The following PPHLN1 variants were observed in gnomAD, a reference collection of about 807,000 sequenced individuals.
PPHLN1 encodes the protein periphilin 1.
Under a neutral mutation model 51.3 loss-of-function variants are expected in PPHLN1, and 29 were observed. That is an observed-to-expected ratio of 0.57 (90% CI 0.42 to 0.77). The LOEUF (loss-of-function observed/expected upper bound fraction) is 0.77, where lower values mean the gene tolerates loss of function less well. Ranked by LOEUF, PPHLN1 falls within the 30% of genes least tolerant of loss-of-function variation. The pLI, the probability that PPHLN1 is intolerant of heterozygous loss-of-function variation, is 0.00. For synonymous variants in PPHLN1, 147 were observed against 147.8 expected (o/e 0.99, Z 0.04); for missense variants, 436 against 438.4 (o/e 0.99, Z 0.05).
downstream of PPHLN1, chr12:42,446,590 A>G (rs925862298): frequency 6.2e-7 from 1 of 1,613,370 alleles, no homozygotes; most frequent in Non-Finnish European, 8.5e-7. Context: ...TACTAATTCT[A>G]GGATGTAAAG....
At chr12:42,427,361 T>C (rs2081591534) in intron 9 of PPHLN1, among the ~76,000 whole-genome samples, 1 of 152,190 alleles carries the variant, frequency 6.6e-6, no homozygotes, top group Non-Finnish European at 1.5e-5. Context: ...TTACCTGATT[T>C]CAAACTATAC....
chr12:42,349,471 G>T lies in PPHLN1; in HGVS notation c.73-2414G>T, dbSNP rs530344721. Among the ~76,000 whole-genome samples the T allele has an allele frequency of 6.6e-5, 10 of 152,032 alleles. 1 individual carries two copies. In the South Asian group the frequency reaches 2.1e-3, roughly 32 times the overall value. On this transcript the variant is annotated intron_variant, in intron 2 of 9. Coordinates refer to ENST00000358314, the MANE Select transcript of PPHLN1 (RefSeq NM_201439.2). ...TTCTCGGAGAGGGGGATTTGGCAGGGTCATAGGACAATAGTGGAGAGAAGG... is the reference window on the plus strand; with the variant it reads ...TTCTCGGAGAGGGGGATTTGGCAGGTTCATAGGACAATAGTGGAGAGAAGG...
intron 9 of PPHLN1, among the ~76,000 whole-genome samples, chr12:42,404,052 T>C (rs2139395134): frequency 6.6e-6 from 1 of 152,270 alleles, no homozygotes; most frequent in East Asian, 1.9e-4. Flanking sequence ...TTTCTTTTTT[T>C]TGAAACGAGG....
At chr12:42,355,370 A>G (rs1467170068) in intron 4 of PPHLN1, 148 bp downstream of exon 4, 5 of 641,084 alleles carry the variant, frequency 7.8e-6, no homozygotes, top group Non-Finnish European at 1.4e-5. Flanking sequence ...TCTTTTTGTG[A>G]CTATGTAGTA....
chr12:42,400,528 C>T (rs2078719411), intron 9 of PPHLN1: 2 of 151,626 alleles, frequency 1.3e-5, no homozygotes, highest in Non-Finnish European at 2.9e-5. Context: ...CATAAACCTG[C>T]AAGTGACCTT....
chr12:42,445,818 A>G, downstream of PPHLN1: 2 of 843,130 alleles, frequency 2.4e-6, no homozygotes, highest in Non-Finnish European at 3.5e-6. Context: ...AATTTAGATG[A>G]TAAATTTCAG....
chr12:42,393,921 T>C (rs953976465), intron 8 of PPHLN1, among the ~76,000 whole-genome samples: 6 of 152,266 alleles, frequency 3.9e-5, no homozygotes, highest in Middle Eastern at 3.4e-3. Flanking sequence ...AGTATAAATA[T>C]GGAGTATAAG....
intron 2 of PPHLN1, among the ~76,000 whole-genome samples, chr12:42,337,428 T>A (rs2070831603): frequency 6.6e-6 from 1 of 151,644 alleles, no homozygotes; most frequent in Non-Finnish European, 1.5e-5. Flanking sequence ...CCTGAGTAGC[T>A]GGGATTACAG....
At chr12:42,350,996 C>CGGGAGA (rs1224855603) in intron 2 of PPHLN1, among the ~76,000 whole-genome samples, 3 of 145,340 alleles carry the variant, frequency 2.1e-5, no homozygotes, top group East Asian at 4.0e-4. Flanking sequence ...CCATGGCAAG[C>CGGGAGA]GGGAGAGGGA....
intron 3 of PPHLN1, among the ~76,000 whole-genome samples, chr12:42,352,953 G>A (rs1217398923): frequency 6.6e-6 from 1 of 152,034 alleles, no homozygotes; most frequent in African/African-American, 2.4e-5. Flanking sequence ...GCCAGGTGTG[G>A]TGGTGGGTGC....
intron 5 of PPHLN1, among the ~76,000 whole-genome samples, chr12:42,380,728 A>C (rs2076687630): frequency 6.6e-6 from 1 of 152,122 alleles, no homozygotes; most frequent in African/African-American, 2.4e-5. Flanking sequence ...TTCTATGCAG[A>C]TTTGAAGAGG....
intron 9 of PPHLN1, among the ~76,000 whole-genome samples, chr12:42,408,683 C>T (rs933745982): frequency 1.3e-5 from 2 of 152,204 alleles, no homozygotes; most frequent in Non-Finnish European, 2.9e-5. Context: ...GGTGACATTA[C>T]CCACTTCATA....
In PPHLN1 at chr12:42,383,977, G is replaced by C. The variant is rs542207931; in HGVS notation, c.512-963G>C. 1.6e-3 allele frequency among the ~76,000 whole-genome samples: 142 copies of C among 86,806 alleles called. 5 individuals are homozygous for C. The East Asian group carries it at 0.052, about 32-fold the overall frequency. 56.9% of individuals were successfully genotyped at this position (86,806 alleles called of 152,430 possible). On this transcript the variant is annotated intron_variant, in intron 5 of 9. Transcript: ENST00000358314. Reference sequence around the variant, plus strand: ...CCAGCCTGGGCAACAGAGTGAGACTGTGTCTCAAAAAAAAAAAAAAAAAAA... The same window carrying C: ...CCAGCCTGGGCAACAGAGTGAGACTCTGTCTCAAAAAAAAAAAAAAAAAAA...
At chr12:42,420,963 C>A (rs1398645613) in intron 9 of PPHLN1, among the ~76,000 whole-genome samples, 1 of 151,920 alleles carries the variant, frequency 6.6e-6, no homozygotes, top group Admixed American at 6.6e-5. Flanking sequence ...AATTCTAAAT[C>A]TATTATGGTT....
chr12:42,433,839 A>G (rs1306364424), intron 9 of PPHLN1, among the ~76,000 whole-genome samples: 1 of 152,176 alleles, frequency 6.6e-6, no homozygotes, highest in African/African-American at 2.4e-5. Context: ...CACCCACTCA[A>G]TCCAAACCTG....
intron 9 of PPHLN1, chr12:42,431,921 G>A (rs182529440): frequency 3.8e-6 from 6 of 1,562,334 alleles, no homozygotes; most frequent in Admixed American, 1.7e-5. Flanking sequence ...CTTCGTCTAC[G>A]AGACCTCGTA....
In PPHLN1 at chr12:42,423,107, A is replaced by G. The variant is rs540687779; in HGVS notation, c.910-18208A>G. ...TTCTCTGATTCTTGGAAGGAACTTAATATCATTTGAGAAGTCAGTAGCAGT... is the reference window on the plus strand; with the variant it reads ...TTCTCTGATTCTTGGAAGGAACTTAGTATCATTTGAGAAGTCAGTAGCAGT... On this transcript the variant is annotated intron_variant, in intron 9 of 9. Transcript: ENST00000358314. Among the ~76,000 whole-genome samples the G allele has an allele frequency of 5.9e-5, 9 of 152,320 alleles. No homozygotes were observed. The East Asian group carries it at 1.5e-3, about 26-fold the overall frequency.
intron 2 of PPHLN1, among the ~76,000 whole-genome samples, chr12:42,336,667 G>A (rs1040405579): frequency 6.6e-6 from 1 of 152,326 alleles, no homozygotes; most frequent in South Asian, 2.1e-4. Flanking sequence ...GGTAATAGAA[G>A]CTCAATATTT....
chr12:42,381,404 G>A (rs2076748070), intron 5 of PPHLN1, among the ~76,000 whole-genome samples: 3 of 152,192 alleles, frequency 2.0e-5, no homozygotes, highest in African/African-American at 7.2e-5. Context: ...TGCAGATGAT[G>A]TTTTCCTTAT....
Sources: allele counts gnomAD v4.1 joint callset (sites outside exome capture counted in the v4.1 genomes callset), GRCh38; gene constraint gnomAD v4.1.1; transcripts MANE v1.5; gene names NCBI Gene and HGNC (gene_info 2026-07-23, HGNC 2026-07-21).